CTNNA2: variants seen among roughly 807,000 people sequenced by gnomAD.
The protein encoded by CTNNA2 is catenin alpha 2, also known as catenin alpha-2.
Under a neutral mutation model 101.0 loss-of-function variants are expected in CTNNA2, and 42 were observed. That is an observed-to-expected ratio of 0.42 (90% CI 0.32 to 0.54). The LOEUF (loss-of-function observed/expected upper bound fraction) is 0.54. Ranked by LOEUF, CTNNA2 falls within the 20% of genes least tolerant of loss-of-function variation. The pLI, the probability that CTNNA2 is intolerant of heterozygous loss-of-function variation, is 0.14. For missense variants in CTNNA2, 871 were observed against 1,223.1 expected (o/e 0.71, Z 4.29); for synonymous variants, 450 against 456.4 (o/e 0.99, Z 0.18).
chr2:79,193,805 T>A (rs1163623491), intron 1 of CTNNA2, among the ~76,000 whole-genome samples: 1 of 152,212 alleles, frequency 6.6e-6, no homozygotes, highest in Non-Finnish European at 1.5e-5. Flanking sequence ...AATTTATTTA[T>A]TGATGGAAAT....
chr2:79,634,251 G>A (rs1679871893), intron 1 of CTNNA2, among the ~76,000 whole-genome samples: 1 of 152,178 alleles, frequency 6.6e-6, no homozygotes, highest in African/African-American at 2.4e-5. Context: ...TATCAGTAGG[G>A]ATGGCTCTGA....
chr2:79,683,916 C>G (rs184784233), intron 2 of CTNNA2, among the ~76,000 whole-genome samples: 1 of 152,302 alleles, frequency 6.6e-6, no homozygotes, highest in African/African-American at 2.4e-5. Flanking sequence ...AGGTGGAAAA[C>G]AGCAGGTGGC....
At chr2:79,276,880 G>T (rs1482106006) in intron 2 of CTNNA2, among the ~76,000 whole-genome samples, 1 of 152,038 alleles carries the variant, frequency 6.6e-6, no homozygotes, top group Non-Finnish European at 1.5e-5. Context: ...CTTCACTGTG[G>T]TCATCACAAG....
intron 6 of CTNNA2, among the ~76,000 whole-genome samples, chr2:79,903,924 C>T (rs927410120): frequency 1.3e-5 from 2 of 152,180 alleles, no homozygotes; most frequent in African/African-American, 2.4e-5. Flanking sequence ...TGGAGATGGT[C>T]AGTTAACTAT....
Position 80,313,219 on chromosome 2 carries a change from C to G in CTNNA2, c.1057-79992C>G, listed in dbSNP as rs1047896265. On this transcript the variant is annotated intron_variant, in intron 7 of 18. Coordinates refer to ENST00000402739, the MANE Select transcript of CTNNA2 (RefSeq NM_001282597.3). ...CAACAGGTCTTCAGTGGTAAACTAA[C>G]CTGCCTAGTTAGATGCATTTATCTC... is the stretch of plus-strand genomic sequence containing the variant. 5.9e-4 allele frequency among the ~76,000 whole-genome samples: 90 copies of G among 152,206 alleles called. 1 individual carries two copies. The highest frequency in any genetic ancestry group is 2.1e-3 in the African/African-American group (87 of 41,444).
intron 9 of CTNNA2, among the ~76,000 whole-genome samples, chr2:80,495,161 A>C (rs1293839056): frequency 6.6e-6 from 1 of 152,116 alleles, no homozygotes; most frequent in Non-Finnish European, 1.5e-5. Context: ...AATAACCTCA[A>C]AATTCTAAGA....
intron 3 of CTNNA2, among the ~76,000 whole-genome samples, chr2:79,755,014 T>C (rs948647260): frequency 6.6e-6 from 1 of 151,738 alleles, no homozygotes; most frequent in African/African-American, 2.4e-5. Flanking sequence ...TGAGTGTAGA[T>C]CCATTACTTT....
chr2:80,402,174 G>A (rs1216899855), intron 8 of CTNNA2, among the ~76,000 whole-genome samples: 3 of 152,172 alleles, frequency 2.0e-5, no homozygotes, highest in Non-Finnish European at 4.4e-5. Flanking sequence ...ATTCAGGTGA[G>A]CAGTCAAATG....
chr2:79,323,406 G>A (rs1425856095), intron 3 of CTNNA2, among the ~76,000 whole-genome samples: 2 of 152,054 alleles, frequency 1.3e-5, no homozygotes, highest in Non-Finnish European at 2.9e-5. Context: ...ACTTGCACAA[G>A]GTTATGAAGC....
intron 4 of CTNNA2, among the ~76,000 whole-genome samples, chr2:79,471,093 G>A (rs445812): frequency 0.3 from 45,816 of 152,052 alleles, 7,155 homozygotes; most frequent in South Asian, 0.44. Flanking sequence ...TATGAGAAAA[G>A]TAACTATATA....
intron 3 of CTNNA2, among the ~76,000 whole-genome samples, chr2:79,350,135 C>G (rs1172888379): frequency 7.0e-6 from 1 of 142,820 alleles, no homozygotes; most frequent in Non-Finnish European, 1.5e-5. Context: ...TTTTTTCTTT[C>G]TAAAAATTAT....
intron 7 of CTNNA2, among the ~76,000 whole-genome samples, chr2:79,927,418 C>A (rs1427717742): frequency 6.6e-6 from 1 of 151,782 alleles, no homozygotes; most frequent in African/African-American, 2.4e-5. Flanking sequence ...TAGGAAAGTA[C>A]AGATGGAAGA....
chr2:80,080,709 C>T (rs1277820330), intron 7 of CTNNA2, among the ~76,000 whole-genome samples: 5 of 152,072 alleles, frequency 3.3e-5, no homozygotes, highest in African/African-American at 1.2e-4. Context: ...CTATTTGTAG[C>T]ACATCAAATT....
intron 7 of CTNNA2, among the ~76,000 whole-genome samples, chr2:79,950,484 A>G (rs1458569155): frequency 6.6e-6 from 1 of 152,218 alleles, no homozygotes; most frequent in Non-Finnish European, 1.5e-5. Flanking sequence ...TTCGCTGTGT[A>G]TTGAAAGAAC....
chr2:79,273,461 G>A (rs1675135332), intron 2 of CTNNA2, among the ~76,000 whole-genome samples: 2 of 152,046 alleles, frequency 1.3e-5, no homozygotes. Context: ...GAAACAAAGA[G>A]ATCATTCTAT....
chr2:79,753,273 G>T (rs1672165672), intron 3 of CTNNA2, among the ~76,000 whole-genome samples: 1 of 152,128 alleles, frequency 6.6e-6, no homozygotes, highest in African/African-American at 2.4e-5. Flanking sequence ...GTATGTAACT[G>T]CATCTGTTAA....
chr2:79,677,465 G>A (rs564775435), intron 2 of CTNNA2, among the ~76,000 whole-genome samples: 3 of 152,214 alleles, frequency 2.0e-5, no homozygotes, highest in East Asian at 1.9e-4. Context: ...ATCAAATGGG[G>A]GAGAAACAAT....
At chr2:80,119,226 AAGG>A (rs1701696742) in intron 7 of CTNNA2, among the ~76,000 whole-genome samples, 1 of 152,240 alleles carries the variant, frequency 6.6e-6, no homozygotes. Context: ...AATATTTGAT[AAGG>A]AGAAGTGTCT....
rs369662814 is a variant in CTNNA2, at chr2:79,768,008, G to A, written c.298+23426G>A. Among the ~76,000 whole-genome samples the A allele has an allele frequency of 9.2e-5, 14 of 151,672 alleles. No individual in the cohort carries two copies. In the South Asian group the frequency reaches 1.5e-3, roughly 16 times the overall value. ...GTGACCCAGTTGAGCACTAGGACTCGGTTTATTTAGAGACCCAGAGCACTT... is the reference window on the plus strand; with the variant it reads ...GTGACCCAGTTGAGCACTAGGACTCAGTTTATTTAGAGACCCAGAGCACTT... On this transcript the variant is annotated intron_variant, in intron 3 of 18. Coordinates refer to ENST00000402739, the MANE Select transcript of CTNNA2 (RefSeq NM_001282597.3).
Sources: gnomAD v4.1 joint callset for allele counts (sites outside exome capture counted in the v4.1 genomes callset) on GRCh38, gnomAD v4.1.1 for gene constraint, MANE v1.5 for transcripts, NCBI Gene and HGNC (gene_info 2026-07-23, HGNC 2026-07-21) for gene names.